FIP1L1: variants seen among roughly 807,000 people sequenced by gnomAD.
FIP1L1 encodes the protein factor interacting with PAPOLA and CPSF1, also known as pre-mRNA 3'-end-processing factor FIP1.
Under a neutral mutation model 84.6 loss-of-function variants are expected in FIP1L1, and 21 were observed. That is an observed-to-expected ratio of 0.25 (90% CI 0.18 to 0.36). The LOEUF is 0.36. FIP1L1 is among the 10% of genes least tolerant of loss of function. The probability of loss-of-function intolerance (pLI) is 1.00; values close to 1 mark genes in which losing one functional copy is unlikely to be tolerated. For missense variants in FIP1L1, 526 were observed against 751.1 expected (o/e 0.70, Z 3.50); for synonymous variants, 263 against 242.3 (o/e 1.09, Z -0.80).
intron 3 of FIP1L1, among the ~76,000 whole-genome samples, chr4:53,382,005 G>A (rs1197610359): frequency 6.6e-6 from 1 of 150,962 alleles, no homozygotes; most frequent in Non-Finnish European, 1.5e-5. Context: ...TCCTGACCTC[G>A]TGATCCACCC....
Position 53,382,334 on chromosome 4 carries a change from C to G in FIP1L1, c.227C>G (p.Pro76Arg). 6.2e-7 allele frequency: 1 copy of G among 1,611,772 alleles called. No homozygotes were observed. The highest frequency in any genetic ancestry group is 8.5e-7 in the Non-Finnish European group (1 of 1,178,048). The change falls in exon 4 of 18, where the codon CCG becomes CGG. Residue 76 changes from proline to arginine, a missense_variant and splice_region_variant. Transcript: ENST00000337488. Reference protein sequence around the residue: ...DETAENGVPKPKVTETEDDSD... With the variant: ...DETAENGVPKRKVTETEDDSD... ...ACTGCTGAAAATGGTGTACCAAAAC[C>G]GGTAACATAAGGCTTTGAAATCCAG...
intron 16 of FIP1L1, among the ~76,000 whole-genome samples, chr4:53,458,260 T>C (rs1720511156): frequency 6.6e-6 from 1 of 152,134 alleles, no homozygotes; most frequent in Admixed American, 6.6e-5. Flanking sequence ...ATTAGAAATC[T>C]GAGATATACA....
At chr4:53,426,010 T>G (rs758294649) in intron 12 of FIP1L1, 45 bp downstream of exon 12, 6 of 1,280,348 alleles carry the variant, frequency 4.7e-6, no homozygotes, top group Non-Finnish European at 6.7e-6. Context: ...TGAAGGATGA[T>G]ATCAACATTA....
chr4:53,390,548 A>G lies in FIP1L1; in HGVS notation c.425A>G (p.Asp142Gly). 6.2e-7 allele frequency: 1 copy of G among 1,612,938 alleles called. No individual in the cohort carries two copies. Among genetic ancestry groups the G allele is most frequent in the Non-Finnish European group, 8.5e-7 (1 of 1,179,174 alleles). The change falls in exon 7 of 18, where the codon GAT becomes GGT. Residue 142 changes from aspartate to glycine, a missense_variant. Transcript: ENST00000337488. Reference protein sequence around the residue: ...TGTKVKGVDLDAPGSINGVPL... With the variant: ...TGTKVKGVDLGAPGSINGVPL... The stretch of plus-strand genomic sequence containing the variant: ...ACAAAAGTCAAAGGAGTAGACCTTG[A>G]TGCACCTGGAAGCATTAATGGAGTT...
intron 13 of FIP1L1, among the ~76,000 whole-genome samples, chr4:53,436,734 A>G (rs934582818): frequency 6.6e-6 from 1 of 152,184 alleles, no homozygotes; most frequent in Non-Finnish European, 1.5e-5. Context: ...AAAGCCCACT[A>G]TTAATTTTGT....
chr4:53,391,375 C>A, intron 8 of FIP1L1, 55 bp from the exon 9 acceptor site: 2 of 1,439,444 alleles, frequency 1.4e-6, no homozygotes, highest in Non-Finnish European at 2.0e-6. Flanking sequence ...CTTTATATGG[C>A]CTATTAATTA....
In FIP1L1 at chr4:53,388,964, C is replaced by T. The variant is rs573102204; in HGVS notation, c.333-845C>T. 2.3e-3 allele frequency among the ~76,000 whole-genome samples: 351 copies of T among 152,066 alleles called. 1 individual carries two copies. Among genetic ancestry groups the T allele is most frequent in the Middle Eastern group, 0.014 (4 of 292 alleles). ...TTGGTCCAACTTCAGATATTTTTTT[C>T]TTTATCACTGTGTATTATATTACAT... is the stretch of plus-strand genomic sequence containing the variant. On this transcript the variant is annotated intron_variant, in intron 5 of 17. Coordinates refer to ENST00000337488, the MANE Select transcript of FIP1L1 (RefSeq NM_030917.4).
At chr4:53,409,381 C>G (rs1002533761) in intron 10 of FIP1L1, among the ~76,000 whole-genome samples, 6 of 152,116 alleles carry the variant, frequency 3.9e-5, no homozygotes, top group Non-Finnish European at 7.3e-5. Flanking sequence ...AGTACCTGGC[C>G]ATGTGAGGTG....
intron 5 of FIP1L1, among the ~76,000 whole-genome samples, chr4:53,384,166 T>C (rs181037948): frequency 4.2e-4 from 64 of 152,290 alleles, no homozygotes; most frequent in African/African-American, 1.3e-3. Flanking sequence ...CCCAGGACTT[T>C]GGGAGGCCGA....
intron 10 of FIP1L1, among the ~76,000 whole-genome samples, chr4:53,407,178 T>C (rs1051209156): frequency 3.9e-5 from 6 of 152,198 alleles, no homozygotes; most frequent in African/African-American, 1.4e-4. Context: ...CACACTGCTT[T>C]GAATGTGTCC....
intron 10 of FIP1L1, 84 bp from the exon 11 acceptor site, chr4:53,414,531 A>G: frequency 1.3e-6 from 1 of 768,468 alleles, no homozygotes; most frequent in Non-Finnish European, 2.0e-6. Context: ...TAGAAAAAGC[A>G]TGTCAAGAAA....
chr4:53,379,011 TCCATAAAATAAG>T, intron 1 of FIP1L1, 50 bp from the exon 2 acceptor site: 1 of 1,520,474 alleles, frequency 6.6e-7, no homozygotes, highest in Admixed American at 1.9e-5. Flanking sequence ...GATTTTTTTT[TCCATAAAATAAG>T]TATCTTGTTA....
intron 11 of FIP1L1, among the ~76,000 whole-genome samples, chr4:53,424,308 G>T (rs1045375808): frequency 6.6e-6 from 1 of 152,116 alleles, no homozygotes; most frequent in East Asian, 1.9e-4. Flanking sequence ...TGCAGTCATG[G>T]TAGGCATAGC....
chr4:53,398,313 T>G (rs756050524), intron 9 of FIP1L1, among the ~76,000 whole-genome samples: 1 of 152,212 alleles, frequency 6.6e-6, no homozygotes, highest in Non-Finnish European at 1.5e-5. Flanking sequence ...AAAATTTTTT[T>G]AAGTGGTAGA....
At chr4:53,418,524 A>G (rs1393428188) in intron 11 of FIP1L1, among the ~76,000 whole-genome samples, 1 of 152,154 alleles carries the variant, frequency 6.6e-6, no homozygotes, top group African/African-American at 2.4e-5. Flanking sequence ...ACTCTTGTGA[A>G]ACTAATTAGA....
chr4:53,405,883 G>A (rs1231530165), intron 10 of FIP1L1, among the ~76,000 whole-genome samples: 1 of 151,894 alleles, frequency 6.6e-6, no homozygotes, highest in African/African-American at 2.4e-5. Context: ...TGCTGAAGTT[G>A]CTTATCAACT....
chr4:53,460,826 A>AAG lies in FIP1L1; in HGVS notation c.*1378_*1379insGA. ...ACAATGTATTCTTTCTTTAAATATA[A>AAG]AAACTGACAAGATAAATATAGTGTT... On this transcript the variant is annotated 3_prime_UTR_variant, in exon 18 of 18. Transcript: ENST00000337488. 7.6e-7 allele frequency: 1 copy of AAG among 1,312,686 alleles called. No homozygotes were observed. 81.3% of individuals were successfully genotyped at this position (1,312,686 alleles called of 1,614,324 possible).
intron 13 of FIP1L1, among the ~76,000 whole-genome samples, chr4:53,432,926 T>C (rs896108033): frequency 1.3e-5 from 2 of 152,156 alleles, no homozygotes; most frequent in African/African-American, 4.8e-5. Context: ...TGCATACGTA[T>C]TTGTGGGTAG....
chr4:53,460,754 GGT>G lies in FIP1L1; in HGVS notation c.*1308_*1309del. ...ATTTTTTTGGAATCATATTTTCTGA[GGT>G]GTAACTGGCTTTCATTAGATGATCA... On this transcript the variant is annotated 3_prime_UTR_variant, in exon 18 of 18. Coordinates refer to ENST00000337488, the MANE Select transcript of FIP1L1 (RefSeq NM_030917.4). 1.4e-6 allele frequency: 1 copy of G among 725,528 alleles called. No individual in the cohort carries two copies. Among genetic ancestry groups the G allele is most frequent in the Non-Finnish European group, 2.2e-6 (1 of 455,170 alleles). 44.9% of individuals were successfully genotyped at this position (725,528 alleles called of 1,614,324 possible).
Sources: gnomAD v4.1 joint callset for allele counts (sites outside exome capture counted in the v4.1 genomes callset) on GRCh38, gnomAD v4.1.1 for gene constraint, MANE v1.5 for transcripts, NCBI Gene and HGNC (gene_info 2026-07-23, HGNC 2026-07-21) for gene names.